The following NRG3 variants were observed in gnomAD, a reference collection of about 807,000 sequenced individuals.
NRG3 encodes the protein pro-neuregulin-3, membrane-bound isoform.
In NRG3, 31 loss-of-function variants were observed where a neutral mutation model predicts 66.9. The ratio of observed to expected loss-of-function variants is 0.46; its 90% CI spans 0.35 to 0.63. NRG3 has a LOEUF of 0.63. NRG3 is among the 20% of genes least tolerant of loss of function. NRG3 has a pLI of 0.00. For synonymous variants in NRG3, 393 were observed against 359.4 expected, an observed-to-expected ratio of 1.09 and a Z score of -1.06; for missense variants, 910 against 878.9, an observed-to-expected ratio of 1.04 and a Z score of -0.45.
At chr10:82,052,419 G>A (rs966076289) in intron 1 of NRG3, among the ~76,000 whole-genome samples, 1 of 152,078 alleles carries the variant, frequency 6.6e-6, no homozygotes, top group Non-Finnish European at 1.5e-5. Context: ...TCCAAGAACT[G>A]CACTGGTCAC....
chr10:82,918,484 G>C (rs552138258), intron 4 of NRG3, among the ~76,000 whole-genome samples: 1 of 152,306 alleles, frequency 6.6e-6, no homozygotes, highest in East Asian at 1.9e-4. Flanking sequence ...TGACACATGA[G>C]AGTTGCTTGG....
intron 4 of NRG3, among the ~76,000 whole-genome samples, chr10:82,936,956 T>G (rs1357921539): frequency 3.9e-5 from 6 of 152,072 alleles, no homozygotes; most frequent in Non-Finnish European, 8.8e-5. Flanking sequence ...TAAAATGAAT[T>G]AAGTTGAATA....
At chr10:81,876,185 A>G (rs1328964414) in intron 1 of NRG3, 22 bp downstream of exon 1, 1 of 1,549,120 alleles carries the variant, frequency 6.5e-7, no homozygotes, top group Non-Finnish European at 8.7e-7. Flanking sequence ...CTGTGTCTCA[A>G]CTATGATTTA....
rs116234508 is a variant in NRG3, at chr10:82,620,731, T to C, written c.954-117846T>C. The stretch of plus-strand genomic sequence containing the variant: ...AAGTTCTCACTTTGGGCCACAGGTT[T>C]CAGGCTTTTGACTTGATGGTGGGGT... On this transcript the variant is annotated intron_variant, in intron 2 of 8. Transcript: ENST00000372141. Among the ~76,000 whole-genome samples the C allele has an allele frequency of 3.5e-3, 532 of 152,284 alleles. 5 individuals carry two copies. The highest frequency in any genetic ancestry group is 0.012 in the African/African-American group (505 of 41,570).
chr10:82,066,224 G>T (rs11192373), intron 1 of NRG3, among the ~76,000 whole-genome samples: 5,576 of 151,880 alleles, frequency 0.037, 353 homozygotes, highest in African/African-American at 0.13. Context: ...ACTCATCTTG[G>T]GAATATTCTT....
intron 1 of NRG3, among the ~76,000 whole-genome samples, chr10:82,105,847 T>G (rs2067028262): frequency 6.6e-6 from 1 of 152,156 alleles, no homozygotes; most frequent in African/African-American, 2.4e-5. Context: ...CATCCAGAAT[T>G]TCCACGAATA....
chr10:82,969,386 T>C (rs1851523278), intron 6 of NRG3, among the ~76,000 whole-genome samples: 1 of 152,238 alleles, frequency 6.6e-6, no homozygotes, highest in Non-Finnish European at 1.5e-5. Flanking sequence ...ACTTTTTCCA[T>C]GGGTACTTTG....
At chr10:82,448,116 C>T (rs1348680712) in intron 2 of NRG3, among the ~76,000 whole-genome samples, 1 of 152,152 alleles carries the variant, frequency 6.6e-6, no homozygotes, top group Non-Finnish European at 1.5e-5. Context: ...TACAGTGCTG[C>T]GGATAATTTC....
At position 82,324,282 on chromosome 10, in the gene NRG3, T is replaced by C. The variant is rs978418164; in HGVS notation, c.824-34457T>C. On this transcript the variant is annotated intron_variant, in intron 1 of 8. Coordinates refer to ENST00000372141, the MANE Select transcript of NRG3 (RefSeq NM_001010848.4). ...GTAGTGCTGTCATTTCTCTCATTTC[T>C]GTTATCGATAATTTGTGTCTACTTT... Among the ~76,000 whole-genome samples the C allele has an allele frequency of 4.6e-5, 7 of 152,216 alleles. No homozygotes were observed. In the East Asian group the frequency reaches 1.3e-3, roughly 29 times the overall value.
intron 1 of NRG3, among the ~76,000 whole-genome samples, chr10:82,069,667 C>G (rs1413027987): frequency 6.6e-6 from 1 of 151,880 alleles, no homozygotes; most frequent in Non-Finnish European, 1.5e-5. Flanking sequence ...GGTGTTCATA[C>G]AAAGAAAACA....
chr10:82,263,393 C>T (rs1435876022), intron 1 of NRG3, among the ~76,000 whole-genome samples: 4 of 152,122 alleles, frequency 2.6e-5, no homozygotes, highest in Admixed American at 2.0e-4. Context: ...TTTAAGTTTT[C>T]TATTGAACAT....
chr10:82,770,472 G>A (rs954204085), intron 3 of NRG3, among the ~76,000 whole-genome samples: 10 of 152,008 alleles, frequency 6.6e-5, no homozygotes, highest in South Asian at 2.1e-4. Flanking sequence ...TTCTAAAACC[G>A]TCAACACAAA....
intron 1 of NRG3, among the ~76,000 whole-genome samples, chr10:81,886,200 C>A (rs1046549259): frequency 1.3e-5 from 2 of 152,100 alleles, no homozygotes; most frequent in African/African-American, 4.8e-5. Context: ...AAACTTCTGA[C>A]AAATGCCCAC....
At chr10:82,056,468 G>C (rs2063852297) in intron 1 of NRG3, among the ~76,000 whole-genome samples, 1 of 152,166 alleles carries the variant, frequency 6.6e-6, no homozygotes, top group South Asian at 2.1e-4. Flanking sequence ...GAAGTGAGGG[G>C]CTAAAGATGA....
chr10:82,528,006 T>C (rs1846889578), intron 2 of NRG3, among the ~76,000 whole-genome samples: 1 of 152,146 alleles, frequency 6.6e-6, no homozygotes, highest in African/African-American at 2.4e-5. Context: ...ATCTCTGGTC[T>C]CTACCCCTAG....
chr10:81,950,860 G>A (rs1347657627), intron 1 of NRG3, among the ~76,000 whole-genome samples: 2 of 152,128 alleles, frequency 1.3e-5, no homozygotes, highest in Admixed American at 6.5e-5. Context: ...CCTGGTTTGT[G>A]TGTGTTTTTA....
At chr10:81,944,439 T>C (rs1189042760) in intron 1 of NRG3, among the ~76,000 whole-genome samples, 2 of 152,208 alleles carry the variant, frequency 1.3e-5, no homozygotes, top group Non-Finnish European at 2.9e-5. Flanking sequence ...AAAAGAAAAC[T>C]TAATTTGATT....
chr10:82,670,301 C>T (rs2053165436), intron 2 of NRG3, among the ~76,000 whole-genome samples: 1 of 152,062 alleles, frequency 6.6e-6, no homozygotes, highest in Admixed American at 6.6e-5. Flanking sequence ...CAGTAGTCAC[C>T]CCATAAATGA....
At chr10:82,744,320 C>G (rs1240237972) in intron 3 of NRG3, among the ~76,000 whole-genome samples, 1 of 152,156 alleles carries the variant, frequency 6.6e-6, no homozygotes, top group Non-Finnish European at 1.5e-5. Flanking sequence ...AAATTTATTT[C>G]TCACTATTGT....
Sources: allele counts gnomAD v4.1 joint callset (sites outside exome capture counted in the v4.1 genomes callset), GRCh38; gene constraint gnomAD v4.1.1; transcripts MANE v1.5; gene names NCBI Gene and HGNC (gene_info 2026-07-23, HGNC 2026-07-21).